EFCAB8: variants seen among roughly 807,000 people sequenced by gnomAD.
EFCAB8 encodes the protein EF-hand calcium-binding domain-containing protein 8.
EFCAB8 carries 100 observed loss-of-function variants against 116.3 expected under a neutral mutation model. That is an observed-to-expected ratio of 0.86 (90% CI 0.73 to 1.02). EFCAB8 has a LOEUF of 1.02. EFCAB8 is among the 50% of genes least tolerant of loss of function. The pLI, the probability that EFCAB8 is intolerant of heterozygous loss-of-function variation, is 0.00. For missense variants in EFCAB8, 1,320 were observed against 1,416.9 expected, an observed-to-expected ratio of 0.93 and a Z score of 1.10; for synonymous variants, 558 against 567.9, an observed-to-expected ratio of 0.98 and a Z score of 0.25.
intron 20 of EFCAB8, among the ~76,000 whole-genome samples, chr20:32,926,426 T>G (rs1440897465): frequency 6.6e-6 from 1 of 151,804 alleles, no homozygotes; most frequent in Non-Finnish European, 1.5e-5. Flanking sequence ...TTTATTTAGC[T>G]GTTTGCTTTT....
Position 32,959,779 on chromosome 20 carries a change from G to A in EFCAB8, c.3091G>A (p.Glu1031Lys). Residue 1031 changes from glutamate to lysine, a missense_variant and splice_region_variant, in exon 25 of 27, where the codon GAG (glutamate) becomes AAG (lysine). Transcript: ENST00000400522. ...TQKVLHLELQ[E>K]QRDLAEALIY... The stretch of plus-strand genomic sequence containing the variant: ...TGTGAAGGAAAGCCCCCACACTAGG[G>A]AGCAGCGGGATCTGGCTGAGGCCCT... 1 of 1,487,414 alleles carries A rather than the reference G, an allele frequency of 6.7e-7. No individual in the cohort carries two copies. Among genetic ancestry groups the A allele is most frequent in the South Asian group, 1.4e-5 (1 of 72,922 alleles). The allele number at this position is 1,487,414 out of a possible 1,614,324, so 92.1% of individuals were successfully genotyped here. A position where few individuals can be genotyped will look rare whatever the true frequency, so the allele number is the denominator to read the frequency against.
chr20:32,897,359 T>C (rs1180722767), intron 10 of EFCAB8, among the ~76,000 whole-genome samples: 1 of 151,654 alleles, frequency 6.6e-6, no homozygotes, highest in Admixed American at 6.6e-5. Flanking sequence ...CTTGGTGGGC[T>C]CCCAATACAT....
intron 23 of EFCAB8, among the ~76,000 whole-genome samples, chr20:32,954,517 C>T (rs188380877): frequency 6.2e-4 from 94 of 152,238 alleles, no homozygotes; most frequent in Middle Eastern, 3.4e-3. Flanking sequence ...ACCACACTGT[C>T]TTGATTCCTG....
intron 9 of EFCAB8, 48 bp from the exon 10 acceptor site, chr20:32,896,406 C>T (rs776784073): frequency 2.8e-6 from 2 of 710,328 alleles, no homozygotes; most frequent in South Asian, 1.5e-5. Flanking sequence ...GCTTGCCAAG[C>T]GAAGGGGGAA....
chr20:32,934,013 CTT>C (rs112853872), intron 22 of EFCAB8, among the ~76,000 whole-genome samples: 1 of 140,592 alleles, frequency 7.1e-6, no homozygotes. Flanking sequence ...AAATCAAAAA[CTT>C]TTTTTTTTTT....
At position 32,906,933 on chromosome 20, in the gene EFCAB8, T is replaced by G. The variant is rs945106292; in HGVS notation, c.1247T>G (p.Val416Gly). The G allele has an allele frequency of 3.9e-5, 61 of 1,549,546 alleles. No individual in the cohort carries two copies. The highest frequency in any genetic ancestry group is 5.2e-5 in the Non-Finnish European group (60 of 1,145,930). ...CTGATGAAGGGACACCAGACCTCAG[T>G]GACGCACATCCTTGTGGATAGCAGG... Reference protein sequence around the residue: ...VWLMKGHQTSVTHILVDSRNN... With the variant: ...VWLMKGHQTSGTHILVDSRNN... The change falls in exon 13 of 27, where the codon GTG becomes GGG. Residue 416 changes from valine to glycine, a missense_variant. Coordinates refer to ENST00000400522, the MANE Select transcript of EFCAB8 (RefSeq NM_001143967.2).
intron 20 of EFCAB8, among the ~76,000 whole-genome samples, chr20:32,929,215 T>A (rs1987789613): frequency 6.6e-6 from 1 of 151,770 alleles, no homozygotes; most frequent in Admixed American, 6.6e-5. Context: ...AGTTAGGAAG[T>A]GTTATCTCCT....
chr20:32,905,198 G>C (rs1240238587), intron 11 of EFCAB8, among the ~76,000 whole-genome samples: 1 of 152,208 alleles, frequency 6.6e-6, no homozygotes, highest in Non-Finnish European at 1.5e-5. Flanking sequence ...CCCTGTGCGG[G>C]AGGAGTAATA....
At chr20:32,945,184 G>C (rs897389559) in intron 23 of EFCAB8, among the ~76,000 whole-genome samples, 3 of 151,614 alleles carry the variant, frequency 2.0e-5, no homozygotes, top group African/African-American at 4.8e-5. Context: ...TTTGAGACAG[G>C]GTCTTGCTCT....
chr20:32,904,366 T>G (rs1327824380), intron 11 of EFCAB8, among the ~76,000 whole-genome samples: 1 of 150,998 alleles, frequency 6.6e-6, no homozygotes, highest in Non-Finnish European at 1.5e-5. Context: ...AGTGGCATGA[T>G]CACAGCTCAC....
intron 19 of EFCAB8, 27 bp from the exon 20 acceptor site, chr20:32,920,051 G>GCCC (rs1408842538): frequency 9.7e-6 from 15 of 1,551,564 alleles, no homozygotes; most frequent in Non-Finnish European, 1.3e-5. Context: ...CCCTCATGGT[G>GCCC]ACTTGGGTGC....
intron 22 of EFCAB8, among the ~76,000 whole-genome samples, chr20:32,943,303 T>G (rs757783852): frequency 6.6e-6 from 1 of 152,232 alleles, no homozygotes; most frequent in African/African-American, 2.4e-5. Context: ...GTTGTGAGGT[T>G]CAAATGGAAT....
In EFCAB8 at chr20:32,875,660, G is replaced by C. The variant is rs145785114; in HGVS notation, c.209-266G>C. Among the ~76,000 whole-genome samples the C allele has an allele frequency of 7.3e-3, 1,105 of 151,880 alleles. 13 individuals carry two copies. Among genetic ancestry groups the C allele is most frequent in the African/African-American group, 0.025 (1,048 of 41,446 alleles). ...GCTGGGATTGCAGGTACCCACCACTGTGCCCAGCCAATTTATTTTTGTATT... is the reference window on the plus strand; with the variant it reads ...GCTGGGATTGCAGGTACCCACCACTCTGCCCAGCCAATTTATTTTTGTATT... On this transcript the variant is annotated intron_variant, in intron 3 of 26. Coordinates refer to ENST00000400522, the MANE Select transcript of EFCAB8 (RefSeq NM_001143967.2).
chr20:32,900,190 C>T (rs1385653683), intron 11 of EFCAB8, among the ~76,000 whole-genome samples: 1 of 152,100 alleles, frequency 6.6e-6, no homozygotes, highest in Non-Finnish European at 1.5e-5. Flanking sequence ...CCTTTCTGTC[C>T]TGGTTGTTTT....
At chr20:32,863,524 C>T (rs1984231855) in intron 1 of EFCAB8, among the ~76,000 whole-genome samples, 1 of 152,170 alleles carries the variant, frequency 6.6e-6, no homozygotes, top group African/African-American at 2.4e-5. Flanking sequence ...TGTGAAACCC[C>T]ATGGCTTCTG....
chr20:32,895,447 C>T (rs760864092), intron 9 of EFCAB8, among the ~76,000 whole-genome samples: 6 of 151,528 alleles, frequency 4.0e-5, no homozygotes, highest in Non-Finnish European at 8.8e-5. Flanking sequence ...ACCTTAGCCT[C>T]CCAAGTAGCT....
intron 8 of EFCAB8, among the ~76,000 whole-genome samples, chr20:32,892,831 CTTTTTTT>C (rs59567336): frequency 3.0e-5 from 4 of 134,130 alleles, no homozygotes; most frequent in Non-Finnish European, 6.4e-5. Flanking sequence ...TCCACAGCCT[CTTTTTTT>C]TTTTTTTTTC....
intron 2 of EFCAB8, among the ~76,000 whole-genome samples, chr20:32,866,010 T>C (rs1342547847): frequency 6.6e-6 from 1 of 151,908 alleles, no homozygotes; most frequent in Admixed American, 6.6e-5. Flanking sequence ...GTAGAATGCA[T>C]AGGAAGAAGA....
At chr20:32,916,311 G>A (rs1600421237) in intron 17 of EFCAB8, among the ~76,000 whole-genome samples, 1 of 152,128 alleles carries the variant, frequency 6.6e-6, no homozygotes, top group African/African-American at 2.4e-5. Context: ...AGGCTGGAGT[G>A]CAGTGGCATA....
Sources: allele counts gnomAD v4.1 joint callset (sites outside exome capture counted in the v4.1 genomes callset), GRCh38; gene constraint gnomAD v4.1.1; transcripts MANE v1.5; gene names NCBI Gene and HGNC (gene_info 2026-07-23, HGNC 2026-07-21).